The following EMILIN2 variants were observed in gnomAD, a reference collection of about 807,000 sequenced individuals.
EMILIN2 encodes EMILIN-2.
EMILIN2 carries 71 observed loss-of-function variants against 87.1 expected under a neutral mutation model. That is an observed-to-expected ratio of 0.82 (90% CI 0.67 to 0.99). EMILIN2 has a LOEUF of 0.99. Ranked by LOEUF, EMILIN2 falls within the 50% of genes least tolerant of loss-of-function variation. The pLI is 0.00. For missense variants in EMILIN2, 1,407 were observed against 1,371.8 expected (o/e 1.03, Z -0.40); for synonymous variants, 581 against 563.4 (o/e 1.03, Z -0.44).
chr18:2,867,503 C>T (rs552638757), intron 2 of EMILIN2, among the ~76,000 whole-genome samples: 7 of 152,248 alleles, frequency 4.6e-5, no homozygotes, highest in South Asian at 4.1e-4. Flanking sequence ...TGCGGCCTTC[C>T]GCAGTGTTTG....
chr18:2,906,607 G>A lies in EMILIN2; in HGVS notation c.2360-176G>A, dbSNP rs1336034635. On this transcript the variant is annotated intron_variant, in intron 4 of 7. Transcript: ENST00000254528. ...CGGCGGCGTCCGGGTGGCCCGCGGC[G>A]TCCTCGGAAGATGCGGGCGGACGCC... 12 of 469,242 alleles carry A rather than the reference G, an allele frequency of 2.6e-5. No individual in the cohort carries two copies. The Admixed American group carries it at 4.6e-4, about 18-fold the overall frequency. 29.1% of individuals were successfully genotyped at this position (469,242 alleles called of 1,614,324 possible).
chr18:2,884,056 C>T (rs9958053), intron 2 of EMILIN2, among the ~76,000 whole-genome samples: 2,040 of 150,392 alleles, frequency 0.014, 38 homozygotes, highest in African/African-American at 0.047. Flanking sequence ...CCCGGGTTCA[C>T]GCCATTCTCC....
Position 2,876,037 on chromosome 18 carries a change from A to C in EMILIN2, c.258-8927A>C, listed in dbSNP as rs149798198. On this transcript the variant is annotated intron_variant, in intron 2 of 7. Coordinates refer to ENST00000254528, the MANE Select transcript of EMILIN2 (RefSeq NM_032048.3). ...CGCTCTGTCACCCAGGCTGGAGTGC[A>C]GTGGCGCGATCTTAGCTCACTGCAA... 7.9e-3 allele frequency among the ~76,000 whole-genome samples: 1,144 copies of C among 143,942 alleles called. 11 individuals carry two copies. Among genetic ancestry groups the C allele is most frequent in the African/African-American group, 0.026 (979 of 38,222 alleles). The allele number at this position is 143,942 out of a possible 152,430, so 94.4% of individuals were successfully genotyped here.
chr18:2,871,069 A>G (rs2076717211), intron 2 of EMILIN2, among the ~76,000 whole-genome samples: 1 of 152,090 alleles, frequency 6.6e-6, no homozygotes, highest in Admixed American at 6.6e-5. Flanking sequence ...CTCTGTAAAG[A>G]CCCTATCTCC....
chr18:2,872,093 A>T (rs612071), intron 2 of EMILIN2, among the ~76,000 whole-genome samples: 80,583 of 151,892 alleles, frequency 0.53, 22,418 homozygotes, highest in African/African-American at 0.69. Flanking sequence ...GATAGAGATA[A>T]GTTTATTGTT....
chr18:2,888,251 T>C (rs1044894767), intron 3 of EMILIN2, among the ~76,000 whole-genome samples: 8 of 152,190 alleles, frequency 5.3e-5, no homozygotes, highest in Admixed American at 2.0e-4. Context: ...TGTTGCCAAA[T>C]TATCCTTTGA....
intron 3 of EMILIN2, among the ~76,000 whole-genome samples, chr18:2,885,557 C>T (rs1009880976): frequency 2.6e-5 from 4 of 152,148 alleles, no homozygotes; most frequent in Admixed American, 2.0e-4. Context: ...CTCGCTCTGT[C>T]GCCCAGGCTG....
At position 2,913,560 on chromosome 18, in the gene EMILIN2, C is replaced by T. The variant is rs2076953008; in HGVS notation, c.*156C>T. 1 of 617,424 alleles carries T rather than the reference C, an allele frequency of 1.6e-6. No homozygotes were observed. 38.2% of individuals were successfully genotyped at this position (617,424 alleles called of 1,614,324 possible). A position where few individuals can be genotyped will look rare whatever the true frequency, so the allele number is the denominator to read the frequency against. ...TCGCTGTTGAGGCCACCATGCCTTA[C>T]TGCATCCAGCCAGGCTGCAGGGAGT... On this transcript the variant is annotated 3_prime_UTR_variant, in exon 8 of 8. Transcript: ENST00000254528.
At chr18:2,881,140 T>C (rs530150537) in intron 2 of EMILIN2, among the ~76,000 whole-genome samples, 1 of 152,268 alleles carries the variant, frequency 6.6e-6, no homozygotes, top group East Asian at 1.9e-4. Context: ...CACCTCCCCC[T>C]GAGCTCCCAA....
At position 2,892,194 on chromosome 18, in the gene EMILIN2, G is replaced by C; in HGVS notation, c.2067G>C (p.Lys689Asn). 1 of 1,607,340 alleles carries C rather than the reference G, an allele frequency of 6.2e-7. No individual in the cohort carries two copies. The highest frequency in any genetic ancestry group is 8.5e-7 in the Non-Finnish European group (1 of 1,175,578). ...TCATCTCGGAGCTGGATGCTTGTAAGGAATGCACGCAGGGGGTCCAGAGGG... is the reference window on the plus strand; with the variant it reads ...TCATCTCGGAGCTGGATGCTTGTAACGAATGCACGCAGGGGGTCCAGAGGG... ...SQVISELDAC[K>N]ECTQGVQREV... The change falls in exon 4 of 8, where the codon AAG becomes AAC. Residue 689 changes from lysine (K) to asparagine (N), a missense_variant. Physicochemically the swap from Lys to Asn is moderately conservative, Grantham distance 94 (BLOSUM62 0). Transcript: ENST00000254528.
At position 2,874,072 on chromosome 18, in the gene EMILIN2, G is replaced by C. The variant is rs1008296592; in HGVS notation, c.258-10892G>C. On this transcript the variant is annotated intron_variant, in intron 2 of 7. Transcript: ENST00000254528. ...ATCATAGTTGTCACCAACCTTAAAA[G>C]TCCGTTGGCCACCCTGATTTGTCCT... is the stretch of plus-strand genomic sequence containing the variant. Among the ~76,000 whole-genome samples the C allele has an allele frequency of 2.0e-5, 3 of 152,078 alleles. No homozygotes were observed. In the South Asian group the frequency reaches 6.2e-4, roughly 32 times the overall value.
chr18:2,913,481 A>C lies in EMILIN2; in HGVS notation c.*77A>C. 3 of 1,227,882 alleles carry C rather than the reference A, an allele frequency of 2.4e-6. No homozygotes were observed. Among genetic ancestry groups the C allele is most frequent in the Non-Finnish European group, 3.4e-6 (3 of 888,018 alleles). 76.1% of individuals were successfully genotyped at this position (1,227,882 alleles called of 1,614,324 possible). A position where few individuals can be genotyped will look rare whatever the true frequency, so the allele number is the denominator to read the frequency against. On this transcript the variant is annotated 3_prime_UTR_variant, in exon 8 of 8. Coordinates refer to ENST00000254528, the MANE Select transcript of EMILIN2 (RefSeq NM_032048.3). ...GCTTTAATATATTCGGTTTGTATGT[A>C]ATGGAAGCACGGGGCTAGAGTTTCC...
In EMILIN2 at chr18:2,847,157, CG is replaced by C; in HGVS notation, c.-29del. The C allele has an allele frequency of 9.4e-7, 1 of 1,069,108 alleles. No homozygotes were observed. The highest frequency in any genetic ancestry group is 1.1e-6 in the Non-Finnish European group (1 of 888,242). 66.2% of individuals were successfully genotyped at this position (1,069,108 alleles called of 1,614,324 possible). On this transcript the variant is annotated 5_prime_UTR_variant, in exon 1 of 8. Transcript: ENST00000254528. This position sits in a 1 kb window ranked among gnomAD's most constrained non-coding sequence, Gnocchi z 4.5. The stretch of plus-strand genomic sequence containing the variant: ...GCCCCGATCCGCCGCGCTCCGGACC[CG>C]GGCAGGCGGGGCGCGCCCGCTGCGC...
intron 4 of EMILIN2, among the ~76,000 whole-genome samples, chr18:2,905,802 T>A (rs2144066485): frequency 6.7e-6 from 1 of 148,154 alleles, no homozygotes; most frequent in South Asian, 2.2e-4. Context: ...TTTTGGATAT[T>A]TGGAAGAGAT....
In EMILIN2 at chr18:2,907,018, G is replaced by A; in HGVS notation, c.2595G>A (p.Pro865=). The A allele has an allele frequency of 1.5e-6, 2 of 1,319,812 alleles. No homozygotes were observed. Among genetic ancestry groups the A allele is most frequent in the Non-Finnish European group, 1.9e-6 (2 of 1,038,472 alleles). The allele number at this position is 1,319,812 out of a possible 1,614,324, so 81.8% of individuals were successfully genotyped here. The change falls in exon 5 of 8, where the codon CCG becomes CCA. Residue 865 remains proline (P), a synonymous_variant. Transcript: ENST00000254528. The part of the protein sequence containing the change: ...AGAGVSGRGL[P]RGVDGQTGSG... ...CAGGCGTGTCTGGGCGGGGTCTGCC[G>A]CGGGGCGTGGACGGCCAGACCGGGA...
chr18:2,897,995 T>C (rs11080994), intron 4 of EMILIN2, among the ~76,000 whole-genome samples: 50,975 of 152,074 alleles, frequency 0.34, 10,570 homozygotes, highest in Non-Finnish European at 0.45. Flanking sequence ...GAAAGGAGGC[T>C]CGAGGCCCTT....
chr18:2,864,837 G>A (rs1271298939), intron 2 of EMILIN2, among the ~76,000 whole-genome samples: 27 of 151,994 alleles, frequency 1.8e-4, no homozygotes, highest in East Asian at 5.8e-4. Context: ...CATTCTCCCC[G>A]TCACTTTCAG....
At chr18:2,874,243 C>T (rs931581380) in intron 2 of EMILIN2, among the ~76,000 whole-genome samples, 1 of 151,924 alleles carries the variant, frequency 6.6e-6, no homozygotes, top group African/African-American at 2.4e-5. Flanking sequence ...TTTTAAGAGA[C>T]AGTGTCTCAT....
rs2076854424 is a variant in EMILIN2, at chr18:2,894,466, A to G, written c.2359+1980A>G. ...AATGTTGAGTAGAGGTCACAAGACC[A>G]TGTATGTGTTCATAGAATGATTGTC... On this transcript the variant is annotated intron_variant, in intron 4 of 7. Transcript: ENST00000254528. This position sits in a 1 kb window ranked among gnomAD's most constrained non-coding sequence, Gnocchi z 5.0. Among the ~76,000 whole-genome samples, 1 of 152,168 alleles carries G rather than the reference A, an allele frequency of 6.6e-6. No individual in the cohort carries two copies. The highest frequency in any genetic ancestry group is 6.5e-5 in the Admixed American group (1 of 15,272).
Sources: gnomAD v4.1 joint callset for allele counts (sites outside exome capture counted in the v4.1 genomes callset) on GRCh38, gnomAD v4.1.1 for gene constraint, Gnocchi (gnomAD v3.1) non-coding constraint, MANE v1.5 for transcripts, NCBI Gene and HGNC (gene_info 2026-07-23, HGNC 2026-07-21) for gene names.